CTNNA2: variants seen among roughly 807,000 people sequenced by gnomAD.
CTNNA2 encodes the protein catenin alpha-2.
In CTNNA2, 42 loss-of-function variants were observed where a neutral mutation model predicts 101.0. That is an observed-to-expected ratio of 0.42 (90% CI 0.32 to 0.54). The LOEUF (loss-of-function observed/expected upper bound fraction) is 0.54, where lower values mean the gene tolerates loss of function less well. Ranked by LOEUF, CTNNA2 falls within the 20% of genes least tolerant of loss-of-function variation. CTNNA2 has a pLI of 0.14. For synonymous variants in CTNNA2, 450 were observed against 456.4 expected (o/e 0.99, Z 0.18); for missense variants, 871 against 1,223.1 (o/e 0.71, Z 4.29).
At chr2:79,216,185 G>T in intron 2 of CTNNA2, among the ~76,000 whole-genome samples, 1 of 152,096 alleles carries the variant, frequency 6.6e-6, no homozygotes, top group East Asian at 1.9e-4. Context: ...GGGGTCAAGC[G>T]GCATTGTAGA....
intron 15 of CTNNA2, among the ~76,000 whole-genome samples, chr2:80,597,959 C>A (rs759692835): frequency 6.6e-6 from 1 of 151,944 alleles, no homozygotes; most frequent in Non-Finnish European, 1.5e-5. Context: ...ACTGGACATA[C>A]ACCCAAAGGA....
intron 3 of CTNNA2, among the ~76,000 whole-genome samples, chr2:79,851,827 C>T (rs1346624249): frequency 7.0e-6 from 1 of 142,242 alleles, no homozygotes; most frequent in African/African-American, 2.6e-5. Context: ...CTGCAACCTA[C>T]GCCTCCCAGA....
chr2:80,432,230 C>A (rs145987491), intron 9 of CTNNA2, among the ~76,000 whole-genome samples: 1,600 of 152,224 alleles, frequency 0.011, 24 homozygotes, highest in African/African-American at 0.036. Context: ...CTCTGTCCCT[C>A]AAAGCCACTC....
At chr2:79,298,955 C>G (rs557320929) in intron 2 of CTNNA2, among the ~76,000 whole-genome samples, 2 of 152,360 alleles carry the variant, frequency 1.3e-5, no homozygotes, top group African/African-American at 4.8e-5. Flanking sequence ...CTTATCCAAA[C>G]AGCTCCTAAT....
intron 7 of CTNNA2, among the ~76,000 whole-genome samples, chr2:79,956,998 T>C (rs1337324725): frequency 6.6e-6 from 1 of 152,024 alleles, no homozygotes; most frequent in African/African-American, 2.4e-5. Context: ...CAAAATCTCA[T>C]CCAAACACTG....
intron 3 of CTNNA2, among the ~76,000 whole-genome samples, chr2:79,342,202 C>T (rs143056313): frequency 2.0e-3 from 303 of 152,230 alleles, no homozygotes; most frequent in African/African-American, 7.2e-3. Flanking sequence ...ATGGAAAGTA[C>T]GGAGGTATTG....
At chr2:80,542,508 T>A (rs1573202186) in intron 9 of CTNNA2, among the ~76,000 whole-genome samples, 1 of 152,114 alleles carries the variant, frequency 6.6e-6, no homozygotes, top group East Asian at 1.9e-4. Context: ...TGGTTGTCAC[T>A]CTTTCTTTTT....
intron 2 of CTNNA2, among the ~76,000 whole-genome samples, chr2:79,285,822 T>C (rs1675558096): frequency 6.8e-6 from 1 of 147,406 alleles, no homozygotes; most frequent in Non-Finnish European, 1.5e-5. Context: ...TAACTTTCTG[T>C]CTCGTTGATC....
chr2:79,982,238 A>ATG (rs1553420969), intron 7 of CTNNA2, among the ~76,000 whole-genome samples: 11 of 89,596 alleles, frequency 1.2e-4, no homozygotes, highest in East Asian at 4.1e-4. Flanking sequence ...ATATATATAT[A>ATG]TATGTATGTA....
At chr2:79,989,956 C>T (rs111766017) in intron 7 of CTNNA2, among the ~76,000 whole-genome samples, 33 of 152,224 alleles carry the variant, frequency 2.2e-4, no homozygotes, top group African/African-American at 6.7e-4. Flanking sequence ...TTTGGTCTTC[C>T]GATTCATACC....
chr2:79,382,064 C>T (rs1242467352), intron 4 of CTNNA2, among the ~76,000 whole-genome samples: 8 of 152,066 alleles, frequency 5.3e-5, no homozygotes, highest in Middle Eastern at 3.2e-3. Flanking sequence ...GAACATTACC[C>T]TCACTAGTGG....
intron 9 of CTNNA2, among the ~76,000 whole-genome samples, chr2:80,459,291 G>A (rs1425318198): frequency 2.6e-5 from 4 of 152,022 alleles, no homozygotes; most frequent in Non-Finnish European, 5.9e-5. Flanking sequence ...AGCTCCCTAC[G>A]TGCTTTTAAT....
rs150055654 is a variant in CTNNA2 at position 80,562,728 on chromosome 2, CAGT to C, written c.1741+6836_1741+6838del. 5.1e-3 allele frequency among the ~76,000 whole-genome samples: 774 copies of C among 152,208 alleles called. 6 individuals carry two copies. The highest frequency in any genetic ancestry group is 0.018 in the African/African-American group (755 of 41,510). ...TTGAATAAATTATGGTCTAATCACA[CAGT>C]GGAGTAGTATGCAGCTATAAAACAG... On this transcript the variant is annotated intron_variant, in intron 12 of 18. Transcript: ENST00000402739.
At chr2:79,449,547 C>T (rs919645038) in intron 4 of CTNNA2, among the ~76,000 whole-genome samples, 2 of 151,798 alleles carry the variant, frequency 1.3e-5, no homozygotes, top group African/African-American at 4.8e-5. Context: ...AAAGGTAACT[C>T]GTTAAAAAAT....
intron 7 of CTNNA2, among the ~76,000 whole-genome samples, chr2:80,317,926 A>G (rs910575883): frequency 2.6e-5 from 4 of 152,186 alleles, no homozygotes; most frequent in Admixed American, 2.6e-4. Context: ...AGAACCTCTA[A>G]ATAAATGATG....
chr2:79,576,439 C>A (rs770451963), intron 1 of CTNNA2, among the ~76,000 whole-genome samples: 2 of 152,036 alleles, frequency 1.3e-5, no homozygotes, highest in Non-Finnish European at 2.9e-5. Context: ...ACCTGTAGCT[C>A]GGTTTTTTAA....
At chr2:80,132,646 G>C (rs187083414) in intron 7 of CTNNA2, among the ~76,000 whole-genome samples, 3 of 152,282 alleles carry the variant, frequency 2.0e-5, no homozygotes, top group Admixed American at 6.5e-5. Flanking sequence ...GAATGGGGGT[G>C]AGAGTCAAGA....
intron 3 of CTNNA2, among the ~76,000 whole-genome samples, chr2:79,318,946 G>A (rs1676556765): frequency 6.6e-6 from 1 of 152,132 alleles, no homozygotes; most frequent in Non-Finnish European, 1.5e-5. Context: ...AATATCAACT[G>A]ACTACTACTG....
intron 9 of CTNNA2, among the ~76,000 whole-genome samples, chr2:80,502,037 A>T (rs1336892076): frequency 6.6e-6 from 1 of 152,176 alleles, no homozygotes; most frequent in African/African-American, 2.4e-5. Flanking sequence ...AAAGGAAAAC[A>T]TGGCTGTGGA....
Sources: gnomAD v4.1 joint callset for allele counts (sites outside exome capture counted in the v4.1 genomes callset) on GRCh38, gnomAD v4.1.1 for gene constraint, MANE v1.5 for transcripts, NCBI Gene and HGNC (gene_info 2026-07-23, HGNC 2026-07-21) for gene names.